The following ARHGAP24 variants were observed in gnomAD, a reference collection of about 807,000 sequenced individuals.
ARHGAP24 encodes rho GTPase-activating protein 24.
ARHGAP24 carries 50 observed loss-of-function variants against 76.4 expected under a neutral mutation model. That is an observed-to-expected ratio of 0.65 (90% CI 0.52 to 0.83). ARHGAP24 has a LOEUF of 0.83. Ranked by LOEUF, ARHGAP24 falls within the 40% of genes least tolerant of loss-of-function variation. The pLI is 0.00. For synonymous variants in ARHGAP24, 345 were observed against 323.3 expected (o/e 1.07, Z -0.72); for missense variants, 930 against 914.2 (o/e 1.02, Z -0.22).
Position 85,633,130 on chromosome 4 carries a change from C to T in ARHGAP24, c.180+62409C>T, listed in dbSNP as rs139732127. Among the ~76,000 whole-genome samples the T allele has an allele frequency of 4.6e-3, 705 of 151,866 alleles. 19 individuals are homozygous for T. The highest frequency in any genetic ancestry group is 0.04 in the Admixed American group (615 of 15,232). ...CAGGCTGCTCATATGAAAATCTTGG[C>T]ACCTCTCATATTAACAGTTCATCTG... On this transcript the variant is annotated intron_variant, in intron 2 of 9. Coordinates refer to ENST00000395184, the MANE Select transcript of ARHGAP24 (RefSeq NM_001025616.3).
At chr4:85,504,661 G>A (rs1723964413) in intron 1 of ARHGAP24, among the ~76,000 whole-genome samples, 1 of 152,116 alleles carries the variant, frequency 6.6e-6, no homozygotes, top group Admixed American at 6.5e-5. Context: ...GATGGGTCTT[G>A]ACTCTTTATC....
intron 3 of ARHGAP24, among the ~76,000 whole-genome samples, chr4:85,866,797 C>T (rs368765386): frequency 2.0e-5 from 3 of 152,182 alleles, no homozygotes; most frequent in East Asian, 3.9e-4. Flanking sequence ...AGAATTACAT[C>T]ACAGTGTCTG....
intron 1 of ARHGAP24, among the ~76,000 whole-genome samples, chr4:85,513,628 A>C (rs541622102): frequency 6.6e-6 from 1 of 152,278 alleles, no homozygotes; most frequent in African/African-American, 2.4e-5. Context: ...ACTACTAAAG[A>C]CAGAAAACAA....
chr4:85,977,582 A>G lies in ARHGAP24; in HGVS notation c.819A>G (p.Glu273=), dbSNP rs1739415699. 3.1e-6 allele frequency: 5 copies of G among 1,613,738 alleles called. No homozygotes were observed. In the South Asian group the frequency reaches 4.4e-5, roughly 14 times the overall value. The change falls in exon 8 of 10, where the codon GAA becomes GAG. Residue 273 remains glutamate (E), a synonymous_variant. Coordinates refer to ENST00000395184, the MANE Select transcript of ARHGAP24 (RefSeq NM_001025616.3). ...TTATACTCCATAGATTCTTGGATGA[A>G]GTACAGTCCTACTCGGGAGTTAACA... is the stretch of plus-strand genomic sequence containing the variant. The part of the protein sequence containing the change: ...LLKYICRFLD[E]VQSYSGVNKM...
chr4:85,957,219 G>T (rs1004962465), intron 5 of ARHGAP24, among the ~76,000 whole-genome samples: 3 of 152,074 alleles, frequency 2.0e-5, no homozygotes, highest in Admixed American at 2.0e-4. Flanking sequence ...TCCATATAAC[G>T]CCTGCACTAG....
intron 3 of ARHGAP24, among the ~76,000 whole-genome samples, chr4:85,850,461 C>G (rs1369478865): frequency 6.6e-6 from 1 of 152,080 alleles, no homozygotes; most frequent in South Asian, 2.1e-4. Context: ...CAGTTCTGCT[C>G]TGATCTTAGT....
intron 8 of ARHGAP24, chr4:85,990,316 A>G (rs536462685): frequency 6.6e-6 from 1 of 151,914 alleles, no homozygotes; most frequent in Non-Finnish European, 1.5e-5. Flanking sequence ...TACCCTGCTC[A>G]TGTATTAGAA....
intron 3 of ARHGAP24, among the ~76,000 whole-genome samples, chr4:85,879,865 G>A (rs1374974909): frequency 6.6e-6 from 1 of 152,052 alleles, no homozygotes; most frequent in Non-Finnish European, 1.5e-5. Context: ...GGGAGAGGCG[G>A]GGAGGGATGT....
At chr4:85,498,795 T>G (rs1027351740) in intron 1 of ARHGAP24, among the ~76,000 whole-genome samples, 2 of 152,244 alleles carry the variant, frequency 1.3e-5, no homozygotes, top group African/African-American at 4.8e-5. Context: ...TGTATGATAC[T>G]TGTATTAGTA....
chr4:85,611,187 G>A (rs1720371217), intron 2 of ARHGAP24, among the ~76,000 whole-genome samples: 2 of 152,098 alleles, frequency 1.3e-5, no homozygotes, highest in South Asian at 4.1e-4. Context: ...TGTGAAACTG[G>A]GAAGCATCTT....
In ARHGAP24 at chr4:85,909,384, A is replaced by C. The variant is rs78031604; in HGVS notation, c.269-14264A>C. 1.7e-3 allele frequency among the ~76,000 whole-genome samples: 260 copies of C among 152,214 alleles called. 3 individuals carry two copies. Among genetic ancestry groups the C allele is most frequent in the African/African-American group, 6.1e-3 (255 of 41,522 alleles). Reference sequence around the variant, plus strand: ...GATAAGATTAAGAAAGACTGCACATATCTGTTCCCTCTTTGGTGGCTTTCT... The same window carrying C: ...GATAAGATTAAGAAAGACTGCACATCTCTGTTCCCTCTTTGGTGGCTTTCT... On this transcript the variant is annotated intron_variant, in intron 3 of 9. Transcript: ENST00000395184.
intron 4 of ARHGAP24, among the ~76,000 whole-genome samples, chr4:85,932,968 G>T (rs1475609826): frequency 2.6e-5 from 4 of 152,158 alleles, no homozygotes; most frequent in Non-Finnish European, 5.9e-5. Flanking sequence ...GCAGCATGAC[G>T]CACAGGAGCT....
intron 3 of ARHGAP24, among the ~76,000 whole-genome samples, chr4:85,894,526 G>T (rs1053259842): frequency 7.2e-5 from 11 of 152,290 alleles, no homozygotes; most frequent in African/African-American, 2.6e-4. Context: ...GATTGATAGT[G>T]AACATTTTGT....
intron 3 of ARHGAP24, among the ~76,000 whole-genome samples, chr4:85,820,274 T>G (rs934486008): frequency 2.0e-5 from 3 of 152,206 alleles, no homozygotes; most frequent in Non-Finnish European, 4.4e-5. Context: ...GACAATGTGA[T>G]ACATACATAC....
At chr4:85,727,269 T>C (rs905481649) in intron 3 of ARHGAP24, among the ~76,000 whole-genome samples, 1 of 152,202 alleles carries the variant, frequency 6.6e-6, no homozygotes, top group East Asian at 1.9e-4. Context: ...AATATGAGCA[T>C]GTGAAGTTAT....
chr4:85,627,906 G>GT (rs1292730292), intron 2 of ARHGAP24, among the ~76,000 whole-genome samples: 1 of 152,126 alleles, frequency 6.6e-6, no homozygotes, highest in Admixed American at 6.5e-5. Context: ...CTGGTGTGCC[G>GT]TTTTTTAAGC....
At chr4:85,544,980 TGCAGATC>T (rs1578022638) in intron 1 of ARHGAP24, among the ~76,000 whole-genome samples, 1 of 152,224 alleles carries the variant, frequency 6.6e-6, no homozygotes, top group Non-Finnish European at 1.5e-5. Context: ...CACAGGTGAC[TGCAGATC>T]GTGTCACACG....
At chr4:85,478,432 T>C (rs867681086) in intron 1 of ARHGAP24, among the ~76,000 whole-genome samples, 3 of 152,106 alleles carry the variant, frequency 2.0e-5, no homozygotes, top group Admixed American at 6.5e-5. Context: ...ACAAGCACAT[T>C]TGGAAGTGGA....
At chr4:85,998,308 C>T (rs1340070172) in intron 9 of ARHGAP24, among the ~76,000 whole-genome samples, 1 of 152,040 alleles carries the variant, frequency 6.6e-6, no homozygotes, top group Non-Finnish European at 1.5e-5. Flanking sequence ...AGAATTGATC[C>T]TTTTATCATT....
Sources: gnomAD v4.1 joint callset for allele counts (sites outside exome capture counted in the v4.1 genomes callset) on GRCh38, gnomAD v4.1.1 for gene constraint, MANE v1.5 for transcripts, NCBI Gene and HGNC (gene_info 2026-07-23, HGNC 2026-07-21) for gene names.